NCALD: variants seen among roughly 807,000 people sequenced by gnomAD.
NCALD encodes the protein neurocalcin-delta.
NCALD carries 10 observed loss-of-function variants against 18.6 expected under a neutral mutation model. The ratio of observed to expected loss-of-function variants is 0.54; its 90% confidence interval spans 0.33 to 0.91. NCALD has a LOEUF of 0.91. Among genes scored for constraint, NCALD ranks in the 40% least tolerant of loss-of-function variants. The probability of loss-of-function intolerance (pLI) is 0.03; values close to 1 mark genes in which losing one functional copy is unlikely to be tolerated. For synonymous variants in NCALD, 88 were observed against 87.4 expected (o/e 1.01, Z -0.04); for missense variants, 184 against 247.6 (o/e 0.74, Z 1.72).
chr8:102,086,642 C>A (rs1047937965), intron 1 of NCALD, among the ~76,000 whole-genome samples: 1 of 152,130 alleles, frequency 6.6e-6, no homozygotes, highest in Non-Finnish European at 1.5e-5. Context: ...TTTCAAAGAG[C>A]AAATACAATC....
At chr8:101,947,084 C>T (rs1433327186) in intron 2 of NCALD, among the ~76,000 whole-genome samples, 1 of 152,088 alleles carries the variant, frequency 6.6e-6, no homozygotes, top group Non-Finnish European at 1.5e-5. Flanking sequence ...AGAATTGTAA[C>T]AGGAGATGGA....
chr8:101,963,404 G>A (rs1819906550), intron 2 of NCALD, among the ~76,000 whole-genome samples: 1 of 152,024 alleles, frequency 6.6e-6, no homozygotes, highest in Admixed American at 6.6e-5. Context: ...TCCTTAACAT[G>A]GCACTAGACT....
At chr8:101,891,947 CA>C (rs1162082999) in intron 3 of NCALD, among the ~76,000 whole-genome samples, 1 of 152,200 alleles carries the variant, frequency 6.6e-6, no homozygotes, top group Non-Finnish European at 1.5e-5. Context: ...GGGGCGCCCG[CA>C]ATTGCCCAGG....
intron 2 of NCALD, among the ~76,000 whole-genome samples, chr8:101,971,321 T>C (rs1322296706): frequency 1.3e-5 from 2 of 152,102 alleles, no homozygotes; most frequent in African/African-American, 2.4e-5. Flanking sequence ...ATGGTTGATA[T>C]AGATTGGCTC....
In NCALD at chr8:101,757,899, T is replaced by A. The variant is rs189094300; in HGVS notation, c.-20+32963A>T. Among the ~76,000 whole-genome samples the A allele has an allele frequency of 2.5e-3, 378 of 152,252 alleles. 2 individuals are homozygous for A. The highest frequency in any genetic ancestry group is 8.8e-3 in the African/African-American group (365 of 41,560). Reference sequence around the variant, plus strand: ...AGAGAGGCTATTTTAACAATTTTTTTAGAGCCTCCCACCTCCCAAGTAGCT... The same window carrying A: ...AGAGAGGCTATTTTAACAATTTTTTAAGAGCCTCCCACCTCCCAAGTAGCT... On this transcript the variant is annotated intron_variant, in intron 1 of 3. Transcript: ENST00000220931.
chr8:101,784,006 T>C (rs113601762), intron 1 of NCALD, among the ~76,000 whole-genome samples: 4,216 of 152,256 alleles, frequency 0.028, 96 homozygotes, highest in Middle Eastern at 0.048. Flanking sequence ...GTTACTCTGA[T>C]TGCCTAAGAA....
intron 4 of NCALD, among the ~76,000 whole-genome samples, chr8:101,811,218 G>C (rs903574281): frequency 2.0e-5 from 3 of 152,112 alleles, no homozygotes; most frequent in African/African-American, 7.2e-5. Context: ...AGATTATCCT[G>C]AATTATACAG....
At chr8:101,691,974 A>C (rs1814749627) in intron 3 of NCALD, 1 of 985,328 alleles carries the variant, frequency 1.0e-6, no homozygotes, top group Admixed American at 6.1e-5. Context: ...TAACATTTAA[A>C]TAGGGTTGCC....
chr8:101,710,663 G>C (rs1399174358), intron 2 of NCALD, among the ~76,000 whole-genome samples: 1 of 152,198 alleles, frequency 6.6e-6, no homozygotes, highest in Non-Finnish European at 1.5e-5. Context: ...GTTTGGACTG[G>C]GCAGAGCCCA....
At chr8:101,971,422 G>A (rs902658825) in intron 2 of NCALD, among the ~76,000 whole-genome samples, 1 of 151,980 alleles carries the variant, frequency 6.6e-6, no homozygotes, top group African/African-American at 2.4e-5. Flanking sequence ...TTGGATCATG[G>A]GGGCAGTTTC....
At chr8:101,755,279 G>T (rs556059028) in intron 1 of NCALD, among the ~76,000 whole-genome samples, 1 of 152,312 alleles carries the variant, frequency 6.6e-6, no homozygotes, top group East Asian at 1.9e-4. Context: ...TGATACCGCT[G>T]CCCCAACTTC....
At chr8:101,924,832 A>T (rs894770680) in intron 2 of NCALD, among the ~76,000 whole-genome samples, 2 of 152,222 alleles carry the variant, frequency 1.3e-5, no homozygotes, top group Non-Finnish European at 2.9e-5. Context: ...TGAGTCTTTA[A>T]ATAAGGATTC....
At chr8:101,859,926 C>T (rs1815472746) in intron 4 of NCALD, among the ~76,000 whole-genome samples, 1 of 152,158 alleles carries the variant, frequency 6.6e-6, no homozygotes, top group African/African-American at 2.4e-5. Context: ...CCCAATAGGG[C>T]ATATCATTGT....
intron 2 of NCALD, among the ~76,000 whole-genome samples, chr8:102,005,596 T>C (rs1247975148): frequency 6.6e-6 from 1 of 152,196 alleles, no homozygotes; most frequent in African/African-American, 2.4e-5. Context: ...ATTGCGGCAC[T>C]ATTGACAATA....
At chr8:101,700,122 G>A (rs1181661163) in intron 2 of NCALD, among the ~76,000 whole-genome samples, 3 of 151,522 alleles carry the variant, frequency 2.0e-5, no homozygotes, top group Non-Finnish European at 4.4e-5. Context: ...GTGCAGTGAT[G>A]CTATCATGGC....
intron 3 of NCALD, among the ~76,000 whole-genome samples, chr8:101,891,212 G>C (rs1368945005): frequency 1.3e-5 from 2 of 152,002 alleles, no homozygotes; most frequent in African/African-American, 2.4e-5. Context: ...TCAAGATAGA[G>C]AAGTGTTCCA....
At chr8:101,906,546 C>T (rs1001961826) in intron 3 of NCALD, among the ~76,000 whole-genome samples, 3 of 152,194 alleles carry the variant, frequency 2.0e-5, no homozygotes, top group African/African-American at 4.8e-5. Flanking sequence ...AGCAGCCAGC[C>T]AGGATGCCAG....
At chr8:101,769,148 C>G (rs184597948) in intron 1 of NCALD, among the ~76,000 whole-genome samples, 1 of 152,168 alleles carries the variant, frequency 6.6e-6, no homozygotes, top group Admixed American at 6.5e-5. Flanking sequence ...AAAGGCTGCT[C>G]TGTTGACCTT....
At chr8:101,913,529 TTTTG>T (rs140215632) in intron 3 of NCALD, among the ~76,000 whole-genome samples, 14,068 of 152,164 alleles carry the variant, frequency 0.092, 693 homozygotes, top group East Asian at 0.17. Context: ...AAACCAGTTT[TTTTG>T]TTTGTTTTCA....
Sources: gnomAD v4.1 joint callset for allele counts (sites outside exome capture counted in the v4.1 genomes callset) on GRCh38, gnomAD v4.1.1 for gene constraint, MANE v1.5 for transcripts, NCBI Gene and HGNC (gene_info 2026-07-23, HGNC 2026-07-21) for gene names.